The following CNTN5 variants were observed in gnomAD, a reference collection of about 807,000 sequenced individuals.
CNTN5 encodes contactin 5.
CNTN5 carries 77 observed loss-of-function variants against 129.1 expected under a neutral mutation model. The observed-to-expected ratio is 0.60, with a 90% CI of 0.50 to 0.72. The LOEUF is 0.72. CNTN5 is among the 30% of genes least tolerant of loss of function. The pLI, the probability that CNTN5 is intolerant of heterozygous loss-of-function variation, is 0.00. For missense variants in CNTN5, 1,478 were observed against 1,328.8 expected (o/e 1.11, Z -1.75); for synonymous variants, 509 against 465.6 (o/e 1.09, Z -1.20).
chr11:100,334,049 A>C (rs1190535234), intron 21 of CNTN5, among the ~76,000 whole-genome samples: 1 of 152,238 alleles, frequency 6.6e-6, no homozygotes, highest in African/African-American at 2.4e-5. Context: ...ACAAAGGACT[A>C]ATATCAGAAT....
chr11:99,631,602 A>G (rs1951352843), intron 3 of CNTN5, among the ~76,000 whole-genome samples: 1 of 152,040 alleles, frequency 6.6e-6, no homozygotes, highest in South Asian at 2.1e-4. Context: ...ATTGCTAAGC[A>G]GTAGTAAGTT....
intron 1 of CNTN5, among the ~76,000 whole-genome samples, chr11:99,046,077 G>A (rs1295683197): frequency 1.3e-5 from 2 of 152,168 alleles, no homozygotes; most frequent in Admixed American, 6.5e-5. Context: ...GGTGGCTCAC[G>A]CCTGTAATTC....
intron 13 of CNTN5, among the ~76,000 whole-genome samples, chr11:100,157,761 T>TTATAGAATGGATA (rs1947305244): frequency 1.3e-5 from 2 of 151,792 alleles, no homozygotes; most frequent in East Asian, 3.9e-4. Context: ...CAAACACATG[T>TTATAGAATGGATA]TATAGAATGG....
At chr11:99,087,266 T>C (rs1866041922) in intron 1 of CNTN5, among the ~76,000 whole-genome samples, 1 of 152,210 alleles carries the variant, frequency 6.6e-6, no homozygotes, top group Non-Finnish European at 1.5e-5. Context: ...AGAAAATAAA[T>C]GGGAGTCAGA....
intron 6 of CNTN5, among the ~76,000 whole-genome samples, chr11:99,861,958 G>A (rs1948220317): frequency 6.6e-6 from 1 of 152,102 alleles, no homozygotes. Context: ...TAGAAGCCAA[G>A]CTTTAACTGT....
rs1939914436 is a variant in CNTN5, at chr11:100,002,139, A to G, written c.980+3A>G. ...ATGGAATGCTTTGCACTTGGCAAGTAAGTACATGTTCTTCCATAATTAAAC... is the reference window on the plus strand; with the variant it reads ...ATGGAATGCTTTGCACTTGGCAAGTGAGTACATGTTCTTCCATAATTAAAC... On this transcript the variant is annotated splice_donor_region_variant and intron_variant, in intron 9 of 24. Transcript: ENST00000524871. 6.5e-7 allele frequency: 1 copy of G among 1,530,166 alleles called. No individual in the cohort carries two copies. The highest frequency in any genetic ancestry group is 2.4e-5 in the East Asian group (1 of 41,096). The allele number at this position is 1,530,166 out of a possible 1,614,324, so 94.8% of individuals were successfully genotyped here.
At chr11:99,871,551 C>T (rs1215090546) in intron 6 of CNTN5, among the ~76,000 whole-genome samples, 1 of 151,966 alleles carries the variant, frequency 6.6e-6, no homozygotes, top group Non-Finnish European at 1.5e-5. Context: ...CTCCAACTAT[C>T]CAGCATGTGT....
chr11:99,744,384 A>G (rs1943979245), intron 3 of CNTN5, among the ~76,000 whole-genome samples: 1 of 151,792 alleles, frequency 6.6e-6, no homozygotes, highest in Admixed American at 6.6e-5. Flanking sequence ...GACGTAAGAC[A>G]CCTAGGAGAT....
In CNTN5 at chr11:100,350,604, G is replaced by GCTC. The variant is rs961834789; in HGVS notation, c.3031-95_3031-93dup. ...GCTTATGTATCTGTCTAAACTGTAA[G>GCTC]CTCCTTGTGCTTATCTCAGAATGTG... On this transcript the variant is annotated intron_variant, in intron 23 of 24. Coordinates refer to ENST00000524871, the MANE Select transcript of CNTN5 (RefSeq NM_014361.4). 3.6e-6 allele frequency: 3 copies of GCTC among 837,306 alleles called. No homozygotes were observed. The African/African-American group carries it at 5.2e-5, about 14-fold the overall frequency. The allele number at this position is 837,306 out of a possible 1,614,324, so 51.9% of individuals were successfully genotyped here.
At chr11:100,155,514 T>C (rs962080615) in intron 13 of CNTN5, among the ~76,000 whole-genome samples, 13 of 151,920 alleles carry the variant, frequency 8.6e-5, no homozygotes, top group African/African-American at 3.1e-4. Context: ...GCTCTTTTTT[T>C]GTTCATATGA....
At chr11:100,214,971 G>A (rs1331123655) in intron 15 of CNTN5, among the ~76,000 whole-genome samples, 1 of 152,158 alleles carries the variant, frequency 6.6e-6, no homozygotes, top group Non-Finnish European at 1.5e-5. Context: ...CTCAGGGGGT[G>A]CTATATGCCA....
intron 16 of CNTN5, among the ~76,000 whole-genome samples, chr11:100,251,200 T>A (rs1949955843): frequency 6.6e-6 from 1 of 152,162 alleles, no homozygotes; most frequent in Non-Finnish European, 1.5e-5. Flanking sequence ...TGTCATGATT[T>A]TAGCAGCTGA....
At chr11:99,244,153 T>C (rs1322406697) in intron 1 of CNTN5, among the ~76,000 whole-genome samples, 3 of 152,300 alleles carry the variant, frequency 2.0e-5, no homozygotes, top group East Asian at 1.9e-4. Flanking sequence ...AGCAGTGTTT[T>C]ATAGTACTCG....
intron 1 of CNTN5, among the ~76,000 whole-genome samples, chr11:99,309,941 T>C (rs1249613404): frequency 3.3e-5 from 5 of 152,152 alleles, no homozygotes; most frequent in African/African-American, 9.7e-5. Flanking sequence ...AAGGAGTCCA[T>C]AGTGCAGAAC....
intron 18 of CNTN5, among the ~76,000 whole-genome samples, chr11:100,280,990 T>G (rs1361039637): frequency 6.6e-6 from 1 of 152,146 alleles, no homozygotes; most frequent in African/African-American, 2.4e-5. Flanking sequence ...TTAAATTTAA[T>G]CACCTCCTTT....
At chr11:99,811,894 G>A (rs1405736247) in intron 3 of CNTN5, among the ~76,000 whole-genome samples, 1 of 152,118 alleles carries the variant, frequency 6.6e-6, no homozygotes, top group African/African-American at 2.4e-5. Context: ...AGATTTAGCT[G>A]ACATCTTCAG....
intron 12 of CNTN5, among the ~76,000 whole-genome samples, chr11:100,073,789 C>T (rs1944021569): frequency 6.6e-6 from 1 of 152,114 alleles, no homozygotes; most frequent in African/African-American, 2.4e-5. Flanking sequence ...AGGTCACCTC[C>T]ATCTTACCAA....
chr11:99,243,998 A>C (rs1328168330), intron 1 of CNTN5, among the ~76,000 whole-genome samples: 2 of 152,086 alleles, frequency 1.3e-5, no homozygotes, highest in Admixed American at 1.3e-4. Flanking sequence ...TAGTTCTTTG[A>C]AAAATGAAAT....
intron 21 of CNTN5, among the ~76,000 whole-genome samples, chr11:100,335,746 C>T (rs1453658277): frequency 6.8e-6 from 1 of 148,130 alleles, no homozygotes; most frequent in Non-Finnish European, 1.5e-5. Flanking sequence ...CCAGCCTGGG[C>T]AATAGCGTGA....
Sources: gnomAD v4.1 joint callset for allele counts (sites outside exome capture counted in the v4.1 genomes callset) on GRCh38, gnomAD v4.1.1 for gene constraint, MANE v1.5 for transcripts, NCBI Gene and HGNC (gene_info 2026-07-23, HGNC 2026-07-21) for gene names.